CALN1: variants seen among roughly 807,000 people sequenced by gnomAD.
CALN1 encodes the protein calcium-binding protein 8.
In CALN1, 17 loss-of-function variants were observed where a neutral mutation model predicts 30.6. The observed-to-expected ratio is 0.56, with a 90% CI of 0.38 to 0.83. The LOEUF is 0.83. CALN1 is among the 40% of genes least tolerant of loss of function. The pLI is 0.00. For missense variants in CALN1, 291 were observed against 354.9 expected (o/e 0.82, Z 1.45); for synonymous variants, 156 against 131.4 (o/e 1.19, Z -1.28).
intron 5 of CALN1, among the ~76,000 whole-genome samples, chr7:71,939,906 T>A (rs1796035496): frequency 6.6e-6 from 1 of 152,124 alleles, no homozygotes; most frequent in Non-Finnish European, 1.5e-5. Flanking sequence ...ACCAGCTGAT[T>A]TACAACCCAG....
chr7:71,782,932 T>C lies in CALN1; in HGVS notation c.*4843A>G, dbSNP rs1280168506. ...TAATTTTTGTATTTTTTTTTTTTAG[T>C]AGAGATGGGGTTTCACCACGTTGGC... is the stretch of plus-strand genomic sequence containing the variant. On this transcript the variant is annotated 3_prime_UTR_variant, in exon 7 of 7. Coordinates refer to ENST00000395275, the MANE Select transcript of CALN1 (RefSeq NM_031468.4). 6.6e-6 allele frequency: 1 copy of C among 151,578 alleles called. No homozygotes were observed. Among genetic ancestry groups the C allele is most frequent in the Non-Finnish European group, 1.5e-5 (1 of 67,936 alleles). 9.4% of individuals were successfully genotyped at this position (151,578 alleles called of 1,614,324 possible).
chr7:71,806,142 C>T (rs1305247553), intron 6 of CALN1, among the ~76,000 whole-genome samples: 1 of 152,102 alleles, frequency 6.6e-6, no homozygotes. Context: ...TGCTGCAAAC[C>T]ACCATGGCAC....
chr7:72,396,235 T>TAAAAAAAAAAAAAAAAAAAAA (rs55683543), intron 2 of CALN1, among the ~76,000 whole-genome samples: 23 of 53,310 alleles, frequency 4.3e-4, no homozygotes, highest in Non-Finnish European at 6.4e-4. Context: ...TTGTCTCTAC[T>TAAAAAAAAAAAAAAAAAAAAA]AAAAAAAAAA....
chr7:71,846,983 T>C (rs916704772), intron 5 of CALN1, among the ~76,000 whole-genome samples: 6 of 148,602 alleles, frequency 4.0e-5, no homozygotes, highest in Admixed American at 3.4e-4. Flanking sequence ...TATACACATA[T>C]ACACACACAT....
intron 5 of CALN1, among the ~76,000 whole-genome samples, chr7:71,847,899 T>C (rs1790413050): frequency 6.6e-6 from 1 of 152,102 alleles, no homozygotes; most frequent in South Asian, 2.1e-4. Flanking sequence ...TCATTCTGTC[T>C]TGCCACCACC....
At chr7:72,501,928 A>AAAAAATATATATAT in the CALN1 span, among the ~76,000 whole-genome samples, 4 of 57,968 alleles carry the variant, frequency 6.9e-5, 1 homozygote, top group Non-Finnish European at 1.2e-4. Context: ...AAAAAAAAAA[A>AAAAAATATATATAT]ATATATATAT....
chr7:72,015,915 A>G (rs1584749829), intron 5 of CALN1, among the ~76,000 whole-genome samples: 1 of 152,256 alleles, frequency 6.6e-6, no homozygotes, highest in South Asian at 2.1e-4. Context: ...TGATATAGAC[A>G]TCACTGCTGA....
chr7:72,094,146 A>G (rs910162145), intron 4 of CALN1, among the ~76,000 whole-genome samples: 19 of 152,368 alleles, frequency 1.2e-4, no homozygotes, highest in African/African-American at 4.6e-4. Flanking sequence ...ATGTGAATGA[A>G]CAGAGAATTG....
At chr7:72,499,503 A>C in the CALN1 span, among the ~76,000 whole-genome samples, 7 of 152,172 alleles carry the variant, frequency 4.6e-5, no homozygotes, top group African/African-American at 1.7e-4. Flanking sequence ...TAATTTAGGC[A>C]CTATTCTTCT....
intron 3 of CALN1, among the ~76,000 whole-genome samples, chr7:72,172,348 T>G (rs1429953424): frequency 1.3e-5 from 2 of 152,240 alleles, no homozygotes; most frequent in African/African-American, 2.4e-5. Context: ...TCAGACCATT[T>G]GTACCTCCTT....
intron 2 of CALN1, among the ~76,000 whole-genome samples, chr7:72,288,094 T>A (rs368111629): frequency 6.6e-6 from 1 of 151,834 alleles, no homozygotes; most frequent in African/African-American, 2.4e-5. Flanking sequence ...TGGGTGGTTC[T>A]GGCTCAAGGA....
At chr7:71,973,175 T>G (rs1179745927) in intron 5 of CALN1, among the ~76,000 whole-genome samples, 2 of 152,074 alleles carry the variant, frequency 1.3e-5, no homozygotes, top group Non-Finnish European at 2.9e-5. Context: ...GTTTTGGGTT[T>G]TTTTTTTCCC....
chr7:72,373,502 T>C (rs1308332798), intron 2 of CALN1, among the ~76,000 whole-genome samples: 1 of 152,178 alleles, frequency 6.6e-6, no homozygotes, highest in Non-Finnish European at 1.5e-5. Flanking sequence ...GTTTTTCACT[T>C]TCAGGACAGT....
At chr7:71,941,211 G>C (rs570418607) in intron 5 of CALN1, among the ~76,000 whole-genome samples, 1 of 150,702 alleles carries the variant, frequency 6.6e-6, no homozygotes, top group East Asian at 2.0e-4. Flanking sequence ...TTAGCTGGGT[G>C]TGGTGGCAGG....
chr7:71,888,802 A>G (rs978792749), intron 5 of CALN1, among the ~76,000 whole-genome samples: 1 of 151,974 alleles, frequency 6.6e-6, no homozygotes, highest in African/African-American at 2.4e-5. Flanking sequence ...TAGAGGAGAA[A>G]GGGGAGGAGG....
chr7:72,287,603 C>T (rs951612644), intron 2 of CALN1, among the ~76,000 whole-genome samples: 3 of 151,888 alleles, frequency 2.0e-5, no homozygotes, highest in South Asian at 2.1e-4. Flanking sequence ...CCCGCCACGA[C>T]GCACGGCTAA....
chr7:72,213,820 C>A, intron 3 of CALN1, among the ~76,000 whole-genome samples: 1 of 152,138 alleles, frequency 6.6e-6, no homozygotes, highest in Non-Finnish European at 1.5e-5. Flanking sequence ...CGCTCAGGTC[C>A]CCCTGCATTA....
At chr7:72,182,181 A>C (rs1389629667) in intron 3 of CALN1, among the ~76,000 whole-genome samples, 1 of 152,186 alleles carries the variant, frequency 6.6e-6, no homozygotes, top group Non-Finnish European at 1.5e-5. Flanking sequence ...ATATTCAGAA[A>C]ACCAGGGAGC....
intron 4 of CALN1, among the ~76,000 whole-genome samples, chr7:72,048,038 CTTCTTTTTT>C (rs1356279429): frequency 1.5e-5 from 2 of 137,326 alleles, no homozygotes; most frequent in Non-Finnish European, 3.1e-5. Flanking sequence ...TCTTCTTCTT[CTTCTTTTTT>C]TTTTTTTTTT....
Sources: gnomAD v4.1 joint callset for allele counts (sites outside exome capture counted in the v4.1 genomes callset) on GRCh38, gnomAD v4.1.1 for gene constraint, MANE v1.5 for transcripts, NCBI Gene and HGNC (gene_info 2026-07-23, HGNC 2026-07-21) for gene names.